The following ROBO2 variants were observed in gnomAD, a reference collection of about 807,000 sequenced individuals.
The protein encoded by ROBO2 is roundabout homolog 2.
A neutral mutation model predicts 160.8 loss-of-function variants in ROBO2; 53 were observed. The ratio of observed to expected loss-of-function variants is 0.33; its 90% CI spans 0.26 to 0.41. The LOEUF (loss-of-function observed/expected upper bound fraction) is 0.41, where lower values mean the gene tolerates loss of function less well. ROBO2 is among the 10% of genes least tolerant of loss of function. The probability of loss-of-function intolerance (pLI) is 1.00; values close to 1 mark genes in which losing one functional copy is unlikely to be tolerated. For synonymous variants in ROBO2, 664 were observed against 611.7 expected (o/e 1.09, Z -1.26); for missense variants, 1,577 against 1,722.4 (o/e 0.92, Z 1.49).
intron 2 of ROBO2, among the ~76,000 whole-genome samples, chr3:76,410,809 T>C (rs1015309935): frequency 6.6e-6 from 1 of 152,222 alleles, no homozygotes; most frequent in African/African-American, 2.4e-5. Flanking sequence ...ATCTTCACTC[T>C]GTAACCACTT....
intron 2 of ROBO2, among the ~76,000 whole-genome samples, chr3:76,324,299 G>A (rs2072828303): frequency 6.6e-6 from 1 of 152,224 alleles, no homozygotes; most frequent in Admixed American, 6.5e-5. Flanking sequence ...GACGTAATAT[G>A]TGATGCTCTT....
chr3:76,716,413 G>C (rs1028137286), intron 2 of ROBO2, among the ~76,000 whole-genome samples: 1 of 151,976 alleles, frequency 6.6e-6, no homozygotes, highest in Admixed American at 6.6e-5. Context: ...ATTCTTCACA[G>C]GTAATAGATG....
intron 17 of ROBO2, 93 bp downstream of exon 18, chr3:77,589,026 T>C (rs1559676336): frequency 1.4e-6 from 2 of 1,466,042 alleles, no homozygotes; most frequent in South Asian, 2.3e-5. Context: ...AATGAGTGAT[T>C]TGGGCTTATT....
At chr3:76,382,589 A>AAAC (rs1211368570) in intron 2 of ROBO2, among the ~76,000 whole-genome samples, 3 of 152,252 alleles carry the variant, frequency 2.0e-5, no homozygotes, top group Admixed American at 2.0e-4. Context: ...TCCGTCTCAA[A>AAAC]AACAAACAAA....
At position 77,443,768 on chromosome 3, in the gene ROBO2, C is replaced by T. The variant is rs2080191973; in HGVS notation, c.389-33646C>T. ...ATTTGGAGAGTTCTTGTCTCTTCCCCATGCAAGTTGTAGCTATGTAGCCAG... is the reference window on the plus strand; with the variant it reads ...ATTTGGAGAGTTCTTGTCTCTTCCCTATGCAAGTTGTAGCTATGTAGCCAG... On this transcript the variant is annotated intron_variant, in intron 2 of 25. Coordinates refer to ENST00000461745, the Ensembl canonical transcript of ROBO2. 2.6e-5 allele frequency among the ~76,000 whole-genome samples: 4 copies of T among 152,156 alleles called. 1 individual carries two copies. In the South Asian group the frequency reaches 8.3e-4, roughly 32 times the overall value.
chr3:75,930,106 G>C (rs1257958294), intron 1 of ROBO2, among the ~76,000 whole-genome samples: 2 of 152,148 alleles, frequency 1.3e-5, no homozygotes, highest in Non-Finnish European at 2.9e-5. Flanking sequence ...ACGAACCTCT[G>C]TTCCCCATTT....
At chr3:76,627,671 G>A (rs549990607) in intron 2 of ROBO2, among the ~76,000 whole-genome samples, 40 of 91,006 alleles carry the variant, frequency 4.4e-4, no homozygotes, top group African/African-American at 1.8e-3. Context: ...TTTTCAGAAA[G>A]CAATAAGGAA....
chr3:77,224,572 T>A, intron 2 of ROBO2, among the ~76,000 whole-genome samples: 1 of 152,034 alleles, frequency 6.6e-6, no homozygotes, highest in East Asian at 1.9e-4. Flanking sequence ...ATTTATTGTA[T>A]ATTTGAGTTA....
At chr3:76,604,654 C>T (rs1157719582) in intron 2 of ROBO2, among the ~76,000 whole-genome samples, 1 of 152,082 alleles carries the variant, frequency 6.6e-6, no homozygotes, top group Non-Finnish European at 1.5e-5. Flanking sequence ...GACCAACCTA[C>T]TCTAGTTAAT....
intron 2 of ROBO2, among the ~76,000 whole-genome samples, chr3:77,454,730 T>A (rs1490117960): frequency 6.6e-6 from 1 of 152,224 alleles, no homozygotes; most frequent in Non-Finnish European, 1.5e-5. Flanking sequence ...GGATGATGAT[T>A]ATTTTTCATT....
chr3:76,071,255 T>C (rs965090402), intron 2 of ROBO2, among the ~76,000 whole-genome samples: 1 of 152,176 alleles, frequency 6.6e-6, no homozygotes, highest in African/African-American at 2.4e-5. Context: ...AAAACTGTTC[T>C]TTGGATTCCC....
intron 1 of ROBO2, among the ~76,000 whole-genome samples, chr3:77,059,058 A>G (rs944757179): frequency 2.6e-5 from 4 of 152,152 alleles, no homozygotes; most frequent in Admixed American, 1.3e-4. Flanking sequence ...TTGAATTTTT[A>G]AGTATTATGA....
chr3:75,922,851 A>T (rs1285028194), intron 1 of ROBO2, among the ~76,000 whole-genome samples: 1 of 152,144 alleles, frequency 6.6e-6, no homozygotes, highest in Non-Finnish European at 1.5e-5. Context: ...CATTTCCATA[A>T]TTTTTCTTCT....
Position 76,753,706 on chromosome 3 carries a change from G to C in ROBO2, c.110-344308G>C, listed in dbSNP as rs766444375. ...CCATTGCTATTTAAAAAGACAGAAC[G>C]CTCCAATATTTTCTGTTCTAATATT... On this transcript the variant is annotated intron_variant, in intron 2 of 26. Transcript: ENST00000487694. Among the ~76,000 whole-genome samples the C allele has an allele frequency of 5.3e-5, 8 of 151,640 alleles. 1 individual carries two copies. The highest frequency in any genetic ancestry group is 8.8e-5 in the Non-Finnish European group (6 of 67,860).
intron 2 of ROBO2, among the ~76,000 whole-genome samples, chr3:77,237,909 G>T (rs888277544): frequency 6.6e-6 from 1 of 152,162 alleles, no homozygotes; most frequent in African/African-American, 2.4e-5. Flanking sequence ...TTTGGTGGTG[G>T]TGTTGTTCTG....
At chr3:76,772,447 C>T (rs898672778) in intron 2 of ROBO2, among the ~76,000 whole-genome samples, 2 of 147,728 alleles carry the variant, frequency 1.4e-5, no homozygotes, top group African/African-American at 2.5e-5. Flanking sequence ...TTAAAAACAC[C>T]TACTAGGTAA....
chr3:76,158,733 G>A (rs2106905018), intron 2 of ROBO2, among the ~76,000 whole-genome samples: 1 of 152,192 alleles, frequency 6.6e-6, no homozygotes, highest in Admixed American at 6.5e-5. Flanking sequence ...TGGCAGTTTG[G>A]TGAGAAAGAC....
At chr3:76,648,736 T>C (rs1258265373) in intron 2 of ROBO2, among the ~76,000 whole-genome samples, 1 of 152,080 alleles carries the variant, frequency 6.6e-6, no homozygotes, top group East Asian at 1.9e-4. Flanking sequence ...ATTCTTACAA[T>C]TTCACTTTGG....
intron 2 of ROBO2, among the ~76,000 whole-genome samples, chr3:76,960,390 A>G (rs2079561460): frequency 6.6e-6 from 1 of 152,120 alleles, no homozygotes; most frequent in Non-Finnish European, 1.5e-5. Context: ...CTTGTCTTTC[A>G]ACAGTACACT....
Sources: gnomAD v4.1 joint callset for allele counts (sites outside exome capture counted in the v4.1 genomes callset) on GRCh38, gnomAD v4.1.1 for gene constraint, MANE v1.5 for transcripts, NCBI Gene and HGNC (gene_info 2026-07-23, HGNC 2026-07-21) for gene names.